Variants in PLEKHA7 observed in about 807,000 individuals in gnomAD.
PLEKHA7 encodes pleckstrin homology domain-containing family A member 7.
Under a neutral mutation model 170.0 loss-of-function variants are expected in PLEKHA7, and 104 were observed. That is an observed-to-expected ratio of 0.61 (90% CI 0.52 to 0.72). PLEKHA7 has a LOEUF of 0.72. PLEKHA7 is among the 30% of genes least tolerant of loss of function. PLEKHA7 has a pLI of 0.00. For missense variants in PLEKHA7, 1,615 were observed against 1,671.7 expected, an observed-to-expected ratio of 0.97 and a Z score of 0.59; for synonymous variants, 648 against 660.8, an observed-to-expected ratio of 0.98 and a Z score of 0.30.
chr11:16,843,898 T>C lies in PLEKHA7; in HGVS notation c.697-2176A>G, dbSNP rs7945937. Among the ~76,000 whole-genome samples the C allele has an allele frequency of 9.1e-3, 1,391 of 152,174 alleles. 16 individuals are homozygous for C. Among genetic ancestry groups the C allele is most frequent in the African/African-American group, 0.031 (1,308 of 41,538 alleles). ...GTTGCAATGAGTTGAGATTGAACCA[T>C]TGCACTCCAGCCTGGGTGACAGTGT... On this transcript the variant is annotated intron_variant, in intron 8 of 26. Coordinates refer to ENST00000531066, the MANE Select transcript of PLEKHA7 (RefSeq NM_001329630.2).
At chr11:16,804,594 C>T (rs921961673) in intron 13 of PLEKHA7, among the ~76,000 whole-genome samples, 2 of 152,214 alleles carry the variant, frequency 1.3e-5, no homozygotes, top group Non-Finnish European at 2.9e-5. Flanking sequence ...CACCCATTCC[C>T]ACGATCCCTT....
Position 17,014,394 on chromosome 11 carries a change from G to A in PLEKHA7, c.8C>T (p.Ala3Val), listed in dbSNP as rs776700738. 10 of 1,350,572 alleles carry A rather than the reference G, an allele frequency of 7.4e-6. No homozygotes were observed. Among genetic ancestry groups the A allele is most frequent in the Admixed American group, 2.8e-5 (1 of 35,268 alleles). The allele number at this position is 1,350,572 out of a possible 1,614,324, so 83.7% of individuals were successfully genotyped here. A position where few individuals can be genotyped will look rare whatever the true frequency, so the allele number is the denominator to read the frequency against. The change falls in exon 1 of 27, where the codon GCG (alanine) becomes GTG (valine). Residue 3 changes from alanine to valine, a missense_variant. Ala to Val is a moderately conservative substitution (Grantham distance 64). Coordinates refer to ENST00000531066, the MANE Select transcript of PLEKHA7 (RefSeq NM_001329630.2). MA[A>V]ATVGRDTLPE... ...TAAAGTGTCCCGCCCGACCGTCGCC[G>A]CCGCCATGTTCGCCGAGCGCGGAGC...
intron 3 of PLEKHA7, among the ~76,000 whole-genome samples, chr11:16,907,385 T>G (rs1232849809): frequency 1.8e-5 from 2 of 108,842 alleles, no homozygotes; most frequent in African/African-American, 3.6e-5. Flanking sequence ...GGGAGGGAGG[T>G]GGTGGGGTCA....
intron 4 of PLEKHA7, among the ~76,000 whole-genome samples, chr11:16,858,782 G>A (rs1032449420): frequency 1.3e-5 from 2 of 152,062 alleles, no homozygotes; most frequent in Non-Finnish European, 2.9e-5. Context: ...ATGAGCCACC[G>A]CGCCCAACCT....
intron 3 of PLEKHA7, among the ~76,000 whole-genome samples, chr11:16,981,982 C>T (rs1434582304): frequency 1.3e-5 from 2 of 152,142 alleles, no homozygotes; most frequent in East Asian, 1.9e-4. Flanking sequence ...ACTCCACCCT[C>T]GGCCCTTCGG....
intron 10 of PLEKHA7, among the ~76,000 whole-genome samples, chr11:16,818,016 C>T (rs529950378): frequency 2.6e-5 from 4 of 152,320 alleles, no homozygotes; most frequent in Non-Finnish European, 4.4e-5. Flanking sequence ...CTACGGGCCA[C>T]GCCAAATGCC....
intron 3 of PLEKHA7, among the ~76,000 whole-genome samples, chr11:16,876,046 C>T (rs1042053503): frequency 3.3e-5 from 5 of 152,124 alleles, no homozygotes; most frequent in Non-Finnish European, 2.9e-5. Context: ...GCCTATTAAA[C>T]GCTGGCTCCC....
chr11:16,863,952 C>A (rs79949805), intron 4 of PLEKHA7, among the ~76,000 whole-genome samples: 2,472 of 152,332 alleles, frequency 0.016, 58 homozygotes, highest in African/African-American at 0.056. Flanking sequence ...GAAAAGACTA[C>A]TGAGGAGGCT....
intron 9 of PLEKHA7, 21 bp from the exon 10 acceptor site, chr11:16,826,611 T>G: frequency 6.3e-7 from 1 of 1,593,428 alleles, no homozygotes; most frequent in South Asian, 1.1e-5. Flanking sequence ...AGCAGCACAT[T>G]CAGTTTGCTC....
At chr11:16,835,632 T>A (rs950459350) in intron 9 of PLEKHA7, among the ~76,000 whole-genome samples, 6 of 152,196 alleles carry the variant, frequency 3.9e-5, no homozygotes, top group African/African-American at 1.2e-4. Context: ...TTGATACATT[T>A]GTTTAATTTA....
intron 9 of PLEKHA7, among the ~76,000 whole-genome samples, chr11:16,826,984 C>T (rs1246493393): frequency 2.0e-5 from 3 of 152,202 alleles, no homozygotes; most frequent in Non-Finnish European, 2.9e-5. Context: ...ATAGGCACTC[C>T]GTAACTACTA....
Position 16,927,042 on chromosome 11 carries a change from G to A in PLEKHA7, c.222-55860C>T, listed in dbSNP as rs556897414. ...AAGAGGTTGGGTCAGGCGTGGTAGC[G>A]CTAGCCCGCAGCCATAGCTAGTCAG... is the stretch of plus-strand genomic sequence containing the variant. On this transcript the variant is annotated intron_variant, in intron 3 of 26. Transcript: ENST00000531066. Among the ~76,000 whole-genome samples the A allele has an allele frequency of 1.9e-4, 29 of 151,600 alleles. 1 individual carries two copies. In the South Asian group the frequency reaches 5.4e-3, roughly 28 times the overall value.
At chr11:16,790,211 C>T (rs1847745001) in intron 21 of PLEKHA7, 6 of 329,800 alleles carry the variant, frequency 1.8e-5, no homozygotes, top group Non-Finnish European at 1.7e-5. Flanking sequence ...CATTCTTAGG[C>T]ACCCTGCACA....
chr11:16,982,002 C>T (rs1863458282), intron 3 of PLEKHA7, among the ~76,000 whole-genome samples: 1 of 152,214 alleles, frequency 6.6e-6, no homozygotes, highest in Non-Finnish European at 1.5e-5. Context: ...GCATGCAAGA[C>T]ACCAGGAAGG....
intron 3 of PLEKHA7, among the ~76,000 whole-genome samples, chr11:17,008,084 G>C (rs1219040461): frequency 2.0e-5 from 3 of 152,106 alleles, no homozygotes; most frequent in Non-Finnish European, 4.4e-5. Flanking sequence ...GGGAAAGTTA[G>C]CCTTACTCCA....
chr11:16,917,897 G>A (rs1419997214), intron 3 of PLEKHA7, among the ~76,000 whole-genome samples: 1 of 152,162 alleles, frequency 6.6e-6, no homozygotes, highest in Non-Finnish European at 1.5e-5. Flanking sequence ...GAACCTTCTT[G>A]GTTGGTTTAG....
At chr11:16,793,943 T>C (rs1198672900) in intron 19 of PLEKHA7, among the ~76,000 whole-genome samples, 1 of 150,800 alleles carries the variant, frequency 6.6e-6, no homozygotes, top group Non-Finnish European at 1.5e-5. Context: ...GTCAACAATT[T>C]AGGCTCTTAG....
intron 3 of PLEKHA7, among the ~76,000 whole-genome samples, chr11:16,947,589 T>TAA (rs79807953): frequency 9.3e-6 from 1 of 107,922 alleles, no homozygotes; most frequent in Non-Finnish European, 2.0e-5. Flanking sequence ...AGACTCCACC[T>TAA]AAAAAAAAAA....
chr11:17,000,427 A>G (rs1243849699), intron 3 of PLEKHA7, among the ~76,000 whole-genome samples: 1 of 152,182 alleles, frequency 6.6e-6, no homozygotes, highest in Non-Finnish European at 1.5e-5. Context: ...GGTTGGACAC[A>G]GCCACACAGG....
Sources: allele counts gnomAD v4.1 joint callset (sites outside exome capture counted in the v4.1 genomes callset), GRCh38; gene constraint gnomAD v4.1.1; transcripts MANE v1.5; gene names NCBI Gene and HGNC (gene_info 2026-07-23, HGNC 2026-07-21).